Variants in SEZ6L2 observed in about 807,000 individuals in gnomAD.
The protein encoded by SEZ6L2 is seizure 6-like protein 2.
Under a neutral mutation model 97.0 loss-of-function variants are expected in SEZ6L2, and 44 were observed. The ratio of observed to expected loss-of-function variants is 0.45; its 90% CI spans 0.36 to 0.58. SEZ6L2 has a LOEUF of 0.58. Among genes scored for constraint, SEZ6L2 ranks in the 20% least tolerant of loss-of-function variants. SEZ6L2 has a pLI of 0.00. For synonymous variants in SEZ6L2, 543 were observed against 546.1 expected (o/e 0.99, Z 0.08); for missense variants, 1,086 against 1,233.3 (o/e 0.88, Z 1.79).
At position 29,871,723 on chromosome 16, in the gene SEZ6L2, C is replaced by T. The variant is rs201249042; in HGVS notation, c.2748G>A (p.Thr916=). ...TTCAGATGGAAACTTCATACTCCCG[C>T]GTATCCTGAAGACAGAGAGATCAGG... ...FSNPLYEAGD[T]REYEVSI Residue 916 remains threonine, a synonymous_variant, in exon 18 of 18, where the codon ACG becomes ACA. Coordinates refer to ENST00000617533, the MANE Select transcript of SEZ6L2 (RefSeq NM_001243332.2). 101 of 1,608,568 alleles carry T rather than the reference C, an allele frequency of 6.3e-5. No individual in the cohort carries two copies. Among genetic ancestry groups the T allele is most frequent in the Admixed American group, 2.2e-4 (13 of 59,268 alleles).
At chr16:29,893,136 C>T (rs571959078) in intron 5 of SEZ6L2, among the ~76,000 whole-genome samples, 1 of 151,964 alleles carries the variant, frequency 6.6e-6, no homozygotes, top group South Asian at 2.1e-4. Context: ...ACCAGCCTGA[C>T]CAACATGGAG....
Position 29,887,825 on chromosome 16 carries a change from C to T in SEZ6L2, c.1040-8G>A. 6.2e-7 allele frequency: 1 copy of T among 1,613,282 alleles called. No individual in the cohort carries two copies. Among genetic ancestry groups the T allele is most frequent in the Admixed American group, 1.7e-5 (1 of 59,962 alleles). ...TGGTGCCACCACAGGATGCTGTGGGCAGAGGAGGGGTACGTTAAGGCCAGC... is the reference window on the plus strand; with the variant it reads ...TGGTGCCACCACAGGATGCTGTGGGTAGAGGAGGGGTACGTTAAGGCCAGC... On this transcript the variant is annotated splice_polypyrimidine_tract_variant and splice_region_variant and intron_variant, in intron 6 of 17. Transcript: ENST00000617533.
In SEZ6L2 at chr16:29,876,918, G is replaced by T. The variant is rs376008370; in HGVS notation, c.1942C>A (p.Pro648Thr). 5.6e-6 allele frequency: 9 copies of T among 1,610,710 alleles called. No homozygotes were observed. The highest frequency in any genetic ancestry group is 2.7e-5 in the African/African-American group (2 of 74,890). Residue 648 changes from proline (P) to threonine (T), a missense_variant, in exon 12 of 18, where the codon CCA becomes ACA. This residue lies in a region of SEZ6L2 where 310 missense variants were observed against 438.6 expected (regional missense o/e 0.71). Coordinates refer to ENST00000617533, the MANE Select transcript of SEZ6L2 (RefSeq NM_001243332.2). The surrounding 1 kb of genome is among the most constrained non-coding windows in gnomAD (Gnocchi z 6.5). ...VPRNDTCPEL[P>T]PPEWGWRTAS... Reference sequence around the variant, plus strand: ...GTTCTCCAGCCCCACTCCGGAGGTGGCAGCTCGGGGCACGTGTCGTTCCTC... The same window carrying T: ...GTTCTCCAGCCCCACTCCGGAGGTGTCAGCTCGGGGCACGTGTCGTTCCTC...
chr16:29,881,620 C>CTTTTTTTTT (rs59318540), intron 8 of SEZ6L2, among the ~76,000 whole-genome samples: 1 of 85,120 alleles, frequency 1.2e-5, no homozygotes, highest in African/African-American at 5.2e-5. Flanking sequence ...ATGAGGAATT[C>CTTTTTTTTT]TTTTTTTTTT....
chr16:29,879,252 T>C (rs527842943), intron 9 of SEZ6L2, among the ~76,000 whole-genome samples: 49 of 146,500 alleles, frequency 3.3e-4, no homozygotes, highest in African/African-American at 1.2e-3. Flanking sequence ...TGAGACGGAG[T>C]TTCACACTTC....
At chr16:29,887,906 T>C in intron 6 of SEZ6L2, 89 bp from the exon 7 acceptor site, 1 of 1,427,434 alleles carries the variant, frequency 7.0e-7, no homozygotes, top group African/African-American at 1.4e-5. Context: ...AACTGTTGCA[T>C]TCACACATTT....
chr16:29,896,086 C>T (rs958660474), intron 3 of SEZ6L2, among the ~76,000 whole-genome samples: 3 of 152,098 alleles, frequency 2.0e-5, no homozygotes, highest in Non-Finnish European at 2.9e-5. Context: ...CCTCAGCCTC[C>T]CGAGTAGCTG....
intron 5 of SEZ6L2, among the ~76,000 whole-genome samples, chr16:29,893,248 C>T (rs1018713907): frequency 1.3e-5 from 2 of 151,890 alleles, no homozygotes; most frequent in African/African-American, 4.8e-5. Flanking sequence ...CGCTTGAACC[C>T]GGGAGGCAGA....
At chr16:29,882,602 A>T (rs541370560) in intron 8 of SEZ6L2, among the ~76,000 whole-genome samples, 121 of 151,578 alleles carry the variant, frequency 8.0e-4, no homozygotes, top group African/African-American at 2.8e-3. Flanking sequence ...AAGGAAAAAA[A>T]TGAGACAGGG....
Position 29,899,339 on chromosome 16 carries a change from C to T in SEZ6L2, c.-320G>A. The stretch of plus-strand genomic sequence containing the variant: ...GGGCCGGGTGGCCTGGGTTACCCTC[C>T]TGCTCAGGCGCCTGGGTCCACTGGG... On this transcript the variant is annotated 5_prime_UTR_variant, in exon 1 of 18. Coordinates refer to ENST00000617533, the MANE Select transcript of SEZ6L2 (RefSeq NM_001243332.2). 1 of 357,384 alleles carries T rather than the reference C, an allele frequency of 2.8e-6. No homozygotes were observed. Among genetic ancestry groups the T allele is most frequent in the Non-Finnish European group, 5.1e-6 (1 of 196,200 alleles). 22.1% of individuals were successfully genotyped at this position (357,384 alleles called of 1,614,324 possible). A position where few individuals can be genotyped will look rare whatever the true frequency, so the allele number is the denominator to read the frequency against.
rs375943365 is a variant in SEZ6L2 at position 29,878,339 on chromosome 16, C to G, written c.1660G>C (p.Val554Leu). The change falls in exon 10 of 18, where the codon GTG (valine) becomes CTG (leucine). Residue 554 changes from valine to leucine, a missense_variant. Val to Leu is a conservative substitution (Grantham distance 32, BLOSUM62 1). Transcript: ENST00000617533. Reference sequence around the variant, plus strand: ...TCTTCCTGGACGTGCACGCCCCACACGCAGTCTTGGCCCGGGCTATAGCTC... The same window carrying G: ...TCTTCCTGGACGTGCACGCCCCACAGGCAGTCTTGGCCCGGGCTATAGCTC... ...PQSYSPGQDC[V>L]WGVHVQEEKR... 7.5e-6 allele frequency: 12 copies of G among 1,602,248 alleles called. No individual in the cohort carries two copies. Among genetic ancestry groups the G allele is most frequent in the Admixed American group, 1.7e-5 (1 of 58,432 alleles).
In SEZ6L2 at chr16:29,871,626, G is replaced by C; in HGVS notation, c.*73C>G. ...GGAGGGCAGCCAGGAGGCAGAGACCGGGTCCCGTATTTCCCTCTGCCCGAA... is the reference window on the plus strand; with the variant it reads ...GGAGGGCAGCCAGGAGGCAGAGACCCGGTCCCGTATTTCCCTCTGCCCGAA... On this transcript the variant is annotated 3_prime_UTR_variant, in exon 18 of 18. Coordinates refer to ENST00000617533, the MANE Select transcript of SEZ6L2 (RefSeq NM_001243332.2). 1 of 1,471,034 alleles carries C rather than the reference G, an allele frequency of 6.8e-7. No homozygotes were observed. Among genetic ancestry groups the C allele is most frequent in the Middle Eastern group, 1.8e-4 (1 of 5,640 alleles). The allele number at this position is 1,471,034 out of a possible 1,614,324, so 91.1% of individuals were successfully genotyped here.
At chr16:29,888,857 C>T in intron 5 of SEZ6L2, 132 bp from the exon 6 acceptor site, 2 of 754,918 alleles carry the variant, frequency 2.6e-6, no homozygotes, top group African/African-American at 1.8e-5. Context: ...TACTGGCGTA[C>T]ATACCGAGAA....
intron 7 of SEZ6L2, among the ~76,000 whole-genome samples, chr16:29,886,604 C>T (rs1365494774): frequency 6.6e-6 from 1 of 151,410 alleles, no homozygotes; most frequent in Non-Finnish European, 1.5e-5. Flanking sequence ...TAGCTTGAGC[C>T]TGGGAGACAG....
Position 29,878,322 on chromosome 16 carries a change from G to A in SEZ6L2, c.1677C>T (p.Val559=). The stretch of plus-strand genomic sequence containing the variant: ...GGAGCAAGATGCGCTTCTCTTCCTG[G>A]ACGTGCACGCCCCACACGCAGTCTT... ...PGQDCVWGVH[V]QEEKRILLQV... Residue 559 remains valine (V), a synonymous_variant, in exon 10 of 18, where the codon GTC becomes GTT. Transcript: ENST00000617533. 1 of 1,598,226 alleles carries A rather than the reference G, an allele frequency of 6.3e-7. No individual in the cohort carries two copies. Among genetic ancestry groups the A allele is most frequent in the Non-Finnish European group, 8.5e-7 (1 of 1,171,662 alleles).
At position 29,896,991 on chromosome 16, in the gene SEZ6L2, C is replaced by T. The variant is rs1456102167; in HGVS notation, c.342G>A (p.Gly114=). The change falls in exon 3 of 18, where the codon GGG becomes GGA. Residue 114 remains glycine (G), a synonymous_variant. Coordinates refer to ENST00000617533, the MANE Select transcript of SEZ6L2 (RefSeq NM_001243332.2). ...GCAGTTCTGGCGCAGTGGGGCCTGC[C>T]CCCCTGACCCCGTTAGGGGTGACGG... The part of the protein sequence containing the change: ...TTAVTPNGVR[G]AGPTAPELLT... The T allele has an allele frequency of 6.3e-7, 1 of 1,588,518 alleles. No individual in the cohort carries two copies. The highest frequency in any genetic ancestry group is 2.3e-5 in the East Asian group (1 of 43,928).
intron 12 of SEZ6L2, among the ~76,000 whole-genome samples, chr16:29,874,571 TTTTTTTTTTTTTTTTTTG>T (rs2067863425): frequency 1.8e-5 from 2 of 112,480 alleles, no homozygotes; most frequent in African/African-American, 6.6e-5. Flanking sequence ...TTTTTTTTTT[TTTTTTTTTTTTTTTTTTG>T]AGATGGGAGT....
intron 14 of SEZ6L2, 53 bp from the exon 15 acceptor site, chr16:29,872,796 G>C: frequency 6.8e-7 from 1 of 1,461,616 alleles, no homozygotes; most frequent in Non-Finnish European, 9.4e-7. Context: ...AGGGGAGGAG[G>C]CTGGGAGGGG....
Position 29,896,920 on chromosome 16 carries a change from G to T in SEZ6L2, c.413C>A (p.Ala138Asp), listed in dbSNP as rs768484364. 1 of 1,610,892 alleles carries T rather than the reference G, an allele frequency of 6.2e-7. No homozygotes were observed. Among genetic ancestry groups the T allele is most frequent in the Non-Finnish European group, 8.5e-7 (1 of 1,177,730 alleles). ...GTTAPPPPSP[A>D]SPGPPLGPEG... is the part of the protein sequence containing the mutation. ...AGGCCCAAGGGGAGGCCCTGGGGAG[G>T]CAGGGCTGGGTGGGGGTGGGGCTGT... The change falls in exon 3 of 18, where the codon GCC (alanine) becomes GAC (aspartate). Residue 138 changes from alanine to aspartate, a missense_variant. Transcript: ENST00000617533.
Sources: allele counts gnomAD v4.1 joint callset (sites outside exome capture counted in the v4.1 genomes callset), GRCh38; gene constraint gnomAD v4.1.1; regional missense constraint gnomAD v4.1.1; non-coding constraint Gnocchi (gnomAD v3.1); transcripts MANE v1.5; gene names NCBI Gene and HGNC (gene_info 2026-07-23, HGNC 2026-07-21).